The following WDR20 variants were observed in gnomAD, a reference collection of about 807,000 sequenced individuals.
WDR20 encodes the protein WD repeat domain 20.
WDR20 carries 3 observed loss-of-function variants against 38.7 expected under a neutral mutation model. The ratio of observed to expected loss-of-function variants is 0.08; its 90% CI spans 0.04 to 0.20. WDR20 has a LOEUF of 0.20. Ranked by LOEUF, WDR20 falls within the 10% of genes least tolerant of loss-of-function variation. The pLI, the probability that WDR20 is intolerant of heterozygous loss-of-function variation, is 1.00. For missense variants in WDR20, 559 were observed against 727.7 expected (o/e 0.77, Z 2.67); for synonymous variants, 298 against 285.6 (o/e 1.04, Z -0.44).
At chr14:102,195,703 A>T (rs1242065432) in intron 2 of WDR20, among the ~76,000 whole-genome samples, 1 of 152,238 alleles carries the variant, frequency 6.6e-6, no homozygotes, top group Non-Finnish European at 1.5e-5. Flanking sequence ...CTTCAATTTC[A>T]TTCTGGAAAG....
At chr14:102,157,765 T>C (rs1221286580) in intron 1 of WDR20, among the ~76,000 whole-genome samples, 4 of 151,954 alleles carry the variant, frequency 2.6e-5, no homozygotes, top group South Asian at 2.1e-4. Flanking sequence ...CTTCTGGGAG[T>C]GTGAGCTGCA....
At position 102,210,223 on chromosome 14, in the gene WDR20, T is replaced by G; in HGVS notation, c.*343T>G. On this transcript the variant is annotated 3_prime_UTR_variant, in exon 3 of 3. Transcript: ENST00000342702. Reference sequence around the variant, plus strand: ...TGACTTTAAAATGCTGAAATTAAAATTTATGCTTTAACTGGAATATTTTTT... The same window carrying G: ...TGACTTTAAAATGCTGAAATTAAAAGTTATGCTTTAACTGGAATATTTTTT... 1 of 1,027,204 alleles carries G rather than the reference T, an allele frequency of 9.7e-7. No individual in the cohort carries two copies. The highest frequency in any genetic ancestry group is 1.2e-6 in the Non-Finnish European group (1 of 856,404). 63.6% of individuals were successfully genotyped at this position (1,027,204 alleles called of 1,614,324 possible). A position where few individuals can be genotyped will look rare whatever the true frequency, so the allele number is the denominator to read the frequency against.
At chr14:102,192,127 G>A (rs1309387398) in intron 1 of WDR20, among the ~76,000 whole-genome samples, 1 of 151,744 alleles carries the variant, frequency 6.6e-6, no homozygotes, top group African/African-American at 2.4e-5. Context: ...TAAGAAGAAA[G>A]TTTGTTAAGC....
intron 1 of WDR20, chr14:102,157,398 G>A (rs2057675012): frequency 6.6e-6 from 1 of 152,196 alleles, no homozygotes; most frequent in Non-Finnish European, 1.5e-5. Flanking sequence ...TATGTCCTGT[G>A]AAGTGTAACT....
intron 2 of WDR20, among the ~76,000 whole-genome samples, chr14:102,206,021 C>T (rs1348023443): frequency 7.9e-5 from 12 of 152,044 alleles, no homozygotes; most frequent in Non-Finnish European, 1.3e-4. Context: ...CTGACTTTGT[C>T]GCCCAGGCTG....
Position 102,202,675 on chromosome 14 carries a change from G to C in WDR20, c.433-5928G>C, listed in dbSNP as rs529673100. 1.1e-4 allele frequency among the ~76,000 whole-genome samples: 17 copies of C among 151,998 alleles called. No homozygotes were observed. The East Asian group carries it at 1.4e-3, about 12-fold the overall frequency. On this transcript the variant is annotated intron_variant, in intron 2 of 2. Coordinates refer to ENST00000342702, the MANE Select transcript of WDR20 (RefSeq NM_144574.4). ...GATTACAGGTGTGAGCCACTGCGCC[G>C]GGCCTGTACGGAGGTTTTTTTCAGA... is the stretch of plus-strand genomic sequence containing the variant.
At chr14:102,217,644 C>T (rs746829259), downstream of WDR20, among the ~76,000 whole-genome samples, 2 of 152,160 alleles carry the variant, frequency 1.3e-5, no homozygotes, top group Non-Finnish European at 2.9e-5. Context: ...GCTCACGTGC[C>T]GCTTGTGTGA....
chr14:102,194,830 C>A, intron 1 of WDR20, 108 bp from the exon 2 acceptor site: 2 of 1,222,984 alleles, frequency 1.6e-6, no homozygotes, highest in Non-Finnish European at 2.3e-6. Flanking sequence ...CATTTTAAAT[C>A]ACTTTGTTTT....
chr14:102,218,370 C>T (rs952015218), downstream of WDR20, among the ~76,000 whole-genome samples: 1 of 152,120 alleles, frequency 6.6e-6, no homozygotes, highest in Non-Finnish European at 1.5e-5. Context: ...AAGGGGAAGC[C>T]CTCCCAGAAC....
intron 1 of WDR20, among the ~76,000 whole-genome samples, chr14:102,160,671 G>A (rs144960137): frequency 6.6e-6 from 1 of 151,962 alleles, no homozygotes; most frequent in Non-Finnish European, 1.5e-5. Context: ...GGCCGGGCGC[G>A]GTGGCTCACG....
chr14:102,223,660 C>T (rs2064135117), exon 4 of WDR20: 1 of 152,522 alleles, frequency 6.6e-6, no homozygotes, highest in Non-Finnish European at 1.5e-5. Context: ...AATATTAAAA[C>T]TATCTTGAAT....
downstream of WDR20, chr14:102,224,820 C>T: frequency 2.2e-6 from 1 of 455,960 alleles, no homozygotes; most frequent in South Asian, 1.6e-5. Context: ...ATAAAAGACA[C>T]TAAGACTTGC....
chr14:102,210,488 G>T lies in WDR20; in HGVS notation c.*608G>T. ...TTAAAACCCATTTTAGTCATTTTAT[G>T]ACAATTAAAGTTGTTTAATAAACAT... is the stretch of plus-strand genomic sequence containing the variant. On this transcript the variant is annotated 3_prime_UTR_variant, in exon 3 of 3. Transcript: ENST00000342702. 1.0e-6 allele frequency: 1 copy of T among 985,298 alleles called. No individual in the cohort carries two copies. Among genetic ancestry groups the T allele is most frequent in the African/African-American group, 1.7e-5 (1 of 57,344 alleles). 61.0% of individuals were successfully genotyped at this position (985,298 alleles called of 1,614,324 possible). A position where few individuals can be genotyped will look rare whatever the true frequency, so the allele number is the denominator to read the frequency against.
At chr14:102,164,976 A>C (rs1314531066) in intron 1 of WDR20, among the ~76,000 whole-genome samples, 1 of 152,244 alleles carries the variant, frequency 6.6e-6, no homozygotes, top group Non-Finnish European at 1.5e-5. Flanking sequence ...TGTTAGGGCA[A>C]TTAAAACTTC....
At chr14:102,200,424 G>GCACC (rs1333107571) in intron 2 of WDR20, among the ~76,000 whole-genome samples, 1 of 151,008 alleles carries the variant, frequency 6.6e-6, no homozygotes, top group Non-Finnish European at 1.5e-5. Context: ...CTGTGGTGAA[G>GCACC]CACCCCACAG....
intron 1 of WDR20, among the ~76,000 whole-genome samples, chr14:102,176,368 C>G (rs1269883133): frequency 1.3e-5 from 2 of 151,062 alleles, no homozygotes; most frequent in East Asian, 4.0e-4. Flanking sequence ...GTACTCCAGC[C>G]TGGGCGACAG....
In WDR20 at chr14:102,173,821, G is replaced by A. The variant is rs192803590; in HGVS notation, c.250-21117G>A. 1.8e-3 allele frequency among the ~76,000 whole-genome samples: 277 copies of A among 152,172 alleles called. 1 individual carries two copies. The highest frequency in any genetic ancestry group is 6.3e-3 in the African/African-American group (262 of 41,496). ...GCACTTTGGGAGGCCAAGGCGGGCA[G>A]ATCATGAGGTCAGGAGATCGAGACC... On this transcript the variant is annotated intron_variant, in intron 1 of 2. Transcript: ENST00000342702.
intron 1 of WDR20, among the ~76,000 whole-genome samples, chr14:102,163,371 T>C (rs552706099): frequency 6.6e-6 from 1 of 152,200 alleles, no homozygotes; most frequent in East Asian, 1.9e-4. Flanking sequence ...CTCACGCCTG[T>C]AATCCCAGCA....
intron 1 of WDR20, among the ~76,000 whole-genome samples, chr14:102,151,730 T>C (rs1375294348): frequency 1.3e-5 from 2 of 151,198 alleles, no homozygotes; most frequent in Non-Finnish European, 2.9e-5. Flanking sequence ...GGTACTCTTT[T>C]CTTTTCCTTT....
Sources: gnomAD v4.1 joint callset for allele counts (sites outside exome capture counted in the v4.1 genomes callset) on GRCh38, gnomAD v4.1.1 for gene constraint, MANE v1.5 for transcripts, NCBI Gene and HGNC (gene_info 2026-07-23, HGNC 2026-07-21) for gene names.